Variants in CMTM4 observed in about 807,000 individuals in gnomAD.
The protein encoded by CMTM4 is CKLF-like MARVEL transmembrane domain-containing protein 4.
Under a neutral mutation model 19.0 loss-of-function variants are expected in CMTM4, and 8 were observed. The observed-to-expected ratio is 0.42, with a 90% confidence interval of 0.25 to 0.76. The LOEUF (loss-of-function observed/expected upper bound fraction) is 0.76, where lower values mean the gene tolerates loss of function less well. Among genes scored for constraint, CMTM4 ranks in the 30% least tolerant of loss-of-function variants. The pLI, the probability that CMTM4 is intolerant of heterozygous loss-of-function variation, is 0.27. For synonymous variants in CMTM4, 106 were observed against 121.1 expected (o/e 0.88, Z 0.82); for missense variants, 228 against 290.2 (o/e 0.79, Z 1.56).
In CMTM4 at chr16:66,617,286, T is replaced by C. The variant is rs537288410; in HGVS notation, c.*4772A>G. On this transcript the variant is annotated 3_prime_UTR_variant, in exon 4 of 4. Transcript: ENST00000394106. Reference sequence around the variant, plus strand: ...CATCATCTGAACTTTTCTAGGCAAGTTGCCAGTGATTCAAACTCAGCAGGT... The same window carrying C: ...CATCATCTGAACTTTTCTAGGCAAGCTGCCAGTGATTCAAACTCAGCAGGT... The C allele has an allele frequency of 5.5e-5, 89 of 1,614,120 alleles. No individual in the cohort carries two copies. Among genetic ancestry groups the C allele is most frequent in the Admixed American group, 2.0e-4 (12 of 60,020 alleles).
At chr16:66,657,873 G>A (rs542233001) in intron 1 of CMTM4, among the ~76,000 whole-genome samples, 2 of 152,280 alleles carry the variant, frequency 1.3e-5, no homozygotes, top group African/African-American at 4.8e-5. Context: ...AACAGATGGT[G>A]AGGAAAAGAT....
chr16:66,657,978 T>A (rs2016428598), intron 1 of CMTM4, among the ~76,000 whole-genome samples: 1 of 152,166 alleles, frequency 6.6e-6, no homozygotes, highest in African/African-American at 2.4e-5. Context: ...CCCAGCACTT[T>A]GGGAGGCCAA....
intron 2 of CMTM4, among the ~76,000 whole-genome samples, chr16:66,625,264 G>A (rs1048714459): frequency 7.3e-5 from 11 of 151,710 alleles, no homozygotes; most frequent in Non-Finnish European, 1.2e-4. Context: ...GAAAAACCCC[G>A]TCTCTACTAA....
intron 1 of CMTM4, among the ~76,000 whole-genome samples, chr16:66,662,229 A>G (rs2144861557): frequency 6.6e-6 from 1 of 152,362 alleles, no homozygotes; most frequent in South Asian, 2.1e-4. Context: ...CAGAGCAGCT[A>G]TTTCAGGACA....
At chr16:66,683,739 G>A (rs950688135) in intron 1 of CMTM4, among the ~76,000 whole-genome samples, 7 of 151,750 alleles carry the variant, frequency 4.6e-5, no homozygotes, top group African/African-American at 1.5e-4. Context: ...TGCTCTGGAG[G>A]AGAATCAAGC....
chr16:66,664,741 A>G (rs192306826), intron 1 of CMTM4, among the ~76,000 whole-genome samples: 1 of 152,330 alleles, frequency 6.6e-6, no homozygotes, highest in East Asian at 1.9e-4. Flanking sequence ...ACTCCAAAAG[A>G]AAAGAGGAAA....
intron 2 of CMTM4, among the ~76,000 whole-genome samples, chr16:66,632,798 T>C (rs2015899598): frequency 6.6e-6 from 1 of 151,870 alleles, no homozygotes; most frequent in South Asian, 2.1e-4. Flanking sequence ...GAAAAACAAA[T>C]ATCGCCAGGC....
At chr16:66,609,864 C>A (rs377524199), downstream of CMTM4, 1 of 1,614,194 alleles carries the variant, frequency 6.2e-7, no homozygotes, top group Non-Finnish European at 8.5e-7. This position sits in a 1 kb window ranked among gnomAD's most constrained non-coding sequence, Gnocchi z 4.4. Context: ...GTGATGCATC[C>A]CATCCACCCT....
At chr16:66,664,387 G>A (rs2144866345) in intron 1 of CMTM4, among the ~76,000 whole-genome samples, 1 of 151,392 alleles carries the variant, frequency 6.6e-6, no homozygotes, top group Non-Finnish European at 1.5e-5. Context: ...AAAAGCAACA[G>A]AAATGGTAAA....
At position 66,618,033 on chromosome 16, in the gene CMTM4, C is replaced by G; in HGVS notation, c.*4025G>C. On this transcript the variant is annotated 3_prime_UTR_variant, in exon 4 of 4. Transcript: ENST00000394106. ...TTCCTCCCTTATCTCCCAGACCTGG[C>G]CGTGTGTGGACCTCACCAGCCTACC... 4.1e-6 allele frequency: 4 copies of G among 985,634 alleles called. No individual in the cohort carries two copies. The highest frequency in any genetic ancestry group is 4.8e-6 in the Non-Finnish European group (4 of 830,080). The allele number at this position is 985,634 out of a possible 1,614,324, so 61.1% of individuals were successfully genotyped here. A position where few individuals can be genotyped will look rare whatever the true frequency, so the allele number is the denominator to read the frequency against.
At position 66,618,331 on chromosome 16, in the gene CMTM4, A is replaced by C; in HGVS notation, c.*3727T>G. The stretch of plus-strand genomic sequence containing the variant: ...AGATGACAGTCAGGCAGTGGCACAA[A>C]GACTTCATGACTGTTTTGTTTTGAA... On this transcript the variant is annotated 3_prime_UTR_variant, in exon 4 of 4. Transcript: ENST00000394106. 1.0e-6 allele frequency: 1 copy of C among 985,458 alleles called. No homozygotes were observed. Among genetic ancestry groups the C allele is most frequent in the South Asian group, 4.7e-5 (1 of 21,290 alleles). The allele number at this position is 985,458 out of a possible 1,614,324, so 61.0% of individuals were successfully genotyped here.
At chr16:66,646,116 G>A (rs2016191553) in intron 1 of CMTM4, among the ~76,000 whole-genome samples, 1 of 152,166 alleles carries the variant, frequency 6.6e-6, no homozygotes, top group Non-Finnish European at 1.5e-5. Context: ...GGGATACTTA[G>A]AGAAAGAACA....
chr16:66,692,784 G>A (rs1464549837), intron 1 of CMTM4, among the ~76,000 whole-genome samples: 3 of 152,024 alleles, frequency 2.0e-5, no homozygotes, highest in East Asian at 1.9e-4. Flanking sequence ...GTGGGCGCCT[G>A]TAATCCCAGC....
intron 1 of CMTM4, among the ~76,000 whole-genome samples, chr16:66,676,461 C>T (rs1279605832): frequency 5.3e-5 from 8 of 152,052 alleles, no homozygotes; most frequent in Non-Finnish European, 8.8e-5. Context: ...GGAAAGAATG[C>T]GACCCTGAGG....
chr16:66,631,010 C>A (rs2144799158), intron 2 of CMTM4, among the ~76,000 whole-genome samples: 1 of 150,018 alleles, frequency 6.7e-6, no homozygotes, highest in East Asian at 2.0e-4. Context: ...AGTGAGGAGA[C>A]CCTCCGCCCG....
At chr16:66,674,256 C>T (rs1596954225) in intron 1 of CMTM4, among the ~76,000 whole-genome samples, 1 of 152,194 alleles carries the variant, frequency 6.6e-6, no homozygotes, top group Non-Finnish European at 1.5e-5. Flanking sequence ...CCCCAAGATT[C>T]CTGAGGCCCA....
intron 1 of CMTM4, among the ~76,000 whole-genome samples, chr16:66,640,376 C>T (rs1418773252): frequency 6.6e-6 from 1 of 151,994 alleles, no homozygotes; most frequent in Non-Finnish European, 1.5e-5. Flanking sequence ...ACAGAGTTGC[C>T]GAACATATAA....
At chr16:66,612,090 C>T (rs536404750), downstream of CMTM4, among the ~76,000 whole-genome samples, 2 of 152,148 alleles carry the variant, frequency 1.3e-5, no homozygotes, top group African/African-American at 2.4e-5. This position sits in a 1 kb window ranked among gnomAD's most constrained non-coding sequence, Gnocchi z 6.0. Context: ...AACACCCCCA[C>T]CTGCACCCGC....
At chr16:66,692,027 C>T (rs375010909) in intron 1 of CMTM4, among the ~76,000 whole-genome samples, 182 of 151,722 alleles carry the variant, frequency 1.2e-3, no homozygotes, top group African/African-American at 4.2e-3. Context: ...CTCATTTTAC[C>T]GAAAAATCTC....
Sources: allele counts gnomAD v4.1 joint callset (sites outside exome capture counted in the v4.1 genomes callset), GRCh38; gene constraint gnomAD v4.1.1; non-coding constraint Gnocchi (gnomAD v3.1); transcripts MANE v1.5; gene names NCBI Gene and HGNC (gene_info 2026-07-23, HGNC 2026-07-21).